The following ARK2N variants were observed in gnomAD, a reference collection of about 807,000 sequenced individuals.
ARK2N encodes protein ARK2N.
chr18:46,210,911 A>T, the ARK2N span, among the ~76,000 whole-genome samples: 1 of 121,406 alleles, frequency 8.2e-6, no homozygotes, highest in Non-Finnish European at 1.6e-5. Context: ...ACCCTGTCTT[A>T]AAAAAAAAAA....
chr18:46,222,662 G>A, the ARK2N span, among the ~76,000 whole-genome samples: 6 of 152,170 alleles, frequency 3.9e-5, no homozygotes, highest in Admixed American at 2.6e-4. Context: ...GAGCATGTGT[G>A]TGTTTAAGGT....
the ARK2N span, among the ~76,000 whole-genome samples, chr18:46,245,403 T>TA: frequency 1.3e-5 from 2 of 151,188 alleles, no homozygotes; most frequent in East Asian, 2.0e-4. Context: ...CCATCTATAC[T>TA]AAAAAAAATA....
At chr18:46,217,624 G>A in the ARK2N span, 4 of 152,284 alleles carry the variant, frequency 2.6e-5, no homozygotes, top group South Asian at 8.3e-4. Flanking sequence ...AATCATATTG[G>A]TTAATGGAAT....
chr18:46,186,611 TCTC>T, the ARK2N span, among the ~76,000 whole-genome samples: 2 of 150,664 alleles, frequency 1.3e-5, no homozygotes, highest in South Asian at 2.1e-4. Context: ...TTCACACCAT[TCTC>T]CTGCCTTAGC....
chr18:46,225,975 C>G, the ARK2N span, among the ~76,000 whole-genome samples: 2 of 151,960 alleles, frequency 1.3e-5, no homozygotes, highest in African/African-American at 4.8e-5. Flanking sequence ...TTTAGTGAAC[C>G]CAAATAGGTA....
chr18:46,243,824 T>C, the ARK2N span, among the ~76,000 whole-genome samples: 3 of 152,194 alleles, frequency 2.0e-5, no homozygotes, highest in Non-Finnish European at 4.4e-5. Context: ...AAAAGGTTAT[T>C]GTTACCACTA....
the ARK2N span, chr18:46,253,753 C>T: frequency 1.9e-6 from 3 of 1,613,418 alleles, no homozygotes; most frequent in African/African-American, 1.3e-5. Flanking sequence ...CAATGCGCCA[C>T]TCAATGAAGA....
At chr18:46,222,545 A>G in the ARK2N span, among the ~76,000 whole-genome samples, 1 of 152,212 alleles carries the variant, frequency 6.6e-6, no homozygotes, top group African/African-American at 2.4e-5. Context: ...TGAAGCACCA[A>G]GATACTATTT....
chr18:46,216,045 G>A, the ARK2N span: 6 of 1,614,056 alleles, frequency 3.7e-6, no homozygotes, highest in Non-Finnish European at 5.1e-6. This position sits in a 1 kb window ranked among gnomAD's most constrained non-coding sequence, Gnocchi z 4.3. Flanking sequence ...TTTCTTCAAT[G>A]CCCTGCTTGT....
chr18:46,243,259 TG>T, the ARK2N span, among the ~76,000 whole-genome samples: 1 of 152,224 alleles, frequency 6.6e-6, no homozygotes, highest in Non-Finnish European at 1.5e-5. Context: ...TTAATAGTTT[TG>T]AGGCTTGGAC....
At chr18:46,206,644 T>A in the ARK2N span, among the ~76,000 whole-genome samples, 2 of 152,230 alleles carry the variant, frequency 1.3e-5, no homozygotes, top group African/African-American at 4.8e-5. Flanking sequence ...TGGGGATACT[T>A]AAAACACAGT....
At chr18:46,238,987 G>A in the ARK2N span, among the ~76,000 whole-genome samples, 1 of 152,124 alleles carries the variant, frequency 6.6e-6, no homozygotes, top group South Asian at 2.1e-4. Flanking sequence ...CTTTGGGGGA[G>A]AAAACAGCAT....
chr18:46,194,707 C>A, the ARK2N span, among the ~76,000 whole-genome samples: 1 of 150,298 alleles, frequency 6.7e-6, no homozygotes, highest in African/African-American at 2.4e-5. Flanking sequence ...TACTCCTGAC[C>A]TCGTGATCCA....
At chr18:46,245,867 A>G in the ARK2N span, among the ~76,000 whole-genome samples, 2 of 152,126 alleles carry the variant, frequency 1.3e-5, no homozygotes, top group Admixed American at 6.5e-5. Context: ...CCCTATTTTG[A>G]TAACTACCTT....
At chr18:46,190,486 C>T in the ARK2N span, among the ~76,000 whole-genome samples, 1 of 149,112 alleles carries the variant, frequency 6.7e-6, no homozygotes, top group Admixed American at 6.7e-5. Flanking sequence ...GAAACTCTGT[C>T]CCCCGGCCCC....
the ARK2N span, among the ~76,000 whole-genome samples, chr18:46,229,626 A>T: frequency 7.2e-6 from 1 of 138,784 alleles, no homozygotes; most frequent in Admixed American, 7.3e-5. Flanking sequence ...TTGTTTTTTT[A>T]ATTTTTTTGA....
chr18:46,182,570 C>A, the ARK2N span, among the ~76,000 whole-genome samples: 2 of 151,952 alleles, frequency 1.3e-5, no homozygotes, highest in African/African-American at 4.8e-5. Flanking sequence ...AAAGTGAAAC[C>A]CTGTCTCTAT....
the ARK2N span, among the ~76,000 whole-genome samples, chr18:46,177,697 G>C: frequency 1.3e-5 from 2 of 151,880 alleles, no homozygotes; most frequent in African/African-American, 4.8e-5. Flanking sequence ...AAAGTGCTGG[G>C]ATTACAGGTG....
At chr18:46,233,640 C>T in the ARK2N span, among the ~76,000 whole-genome samples, 105 of 152,168 alleles carry the variant, frequency 6.9e-4, no homozygotes, top group South Asian at 1.2e-3. Context: ...TTGCTTTTAC[C>T]TCTTTTGATC....
Sources: allele counts gnomAD v4.1 joint callset (sites outside exome capture counted in the v4.1 genomes callset), GRCh38; gene constraint gnomAD v4.1.1; non-coding constraint Gnocchi (gnomAD v3.1); transcripts MANE v1.5; gene names NCBI Gene and HGNC (gene_info 2026-07-23, HGNC 2026-07-21).